Variants in XPO7 observed in about 807,000 individuals in gnomAD.
XPO7 encodes the protein exportin 7.
Under a neutral mutation model 144.3 loss-of-function variants are expected in XPO7, and 21 were observed. That is an observed-to-expected ratio of 0.15 (90% confidence interval 0.10 to 0.21). The LOEUF is 0.21. XPO7 is among the 10% of genes least tolerant of loss of function. The probability of loss-of-function intolerance (pLI) is 1.00; values close to 1 mark genes in which losing one functional copy is unlikely to be tolerated. For missense variants in XPO7, 808 were observed against 1,325.8 expected (o/e 0.61, Z 6.06); for synonymous variants, 580 against 499.6 (o/e 1.16, Z -2.15).
At position 21,974,716 on chromosome 8, in the gene XPO7, C is replaced by A; in HGVS notation, c.539C>A (p.Ser180Tyr). Residue 180 changes from serine to tyrosine, a missense_variant, in exon 6 of 28, where the codon TCT (serine) becomes TAT (tyrosine). By Grantham distance (144) the Ser-to-Tyr change is moderately radical (BLOSUM62 -2). This residue lies in a region of XPO7 where 223 missense variants were observed against 368.8 expected (regional missense o/e 0.60). Coordinates refer to ENST00000252512, the MANE Select transcript of XPO7 (RefSeq NM_015024.5). ...ACCAAGCACAGAAAAATAGCCTCTTCTTTTCGCGATTCATCATTATTTGAT... is the reference window on the plus strand; with the variant it reads ...ACCAAGCACAGAAAAATAGCCTCTTATTTTCGCGATTCATCATTATTTGAT... ...PLTKHRKIAS[S>Y]FRDSSLFDIF... is the part of the protein sequence containing the mutation. 2 of 1,593,418 alleles carry A rather than the reference C, an allele frequency of 1.3e-6. No homozygotes were observed. The highest frequency in any genetic ancestry group is 1.7e-6 in the Non-Finnish European group (2 of 1,169,352).
chr8:21,925,327 T>G (rs1394092030), intron 1 of XPO7, among the ~76,000 whole-genome samples: 2 of 152,194 alleles, frequency 1.3e-5, no homozygotes, highest in East Asian at 3.8e-4. Flanking sequence ...ACACTCCTAC[T>G]GCCATAAAAT....
chr8:21,982,381 G>A (rs1334346392), intron 10 of XPO7, among the ~76,000 whole-genome samples: 1 of 152,060 alleles, frequency 6.6e-6, no homozygotes, highest in Non-Finnish European at 1.5e-5. Flanking sequence ...CATACTAATG[G>A]TTGAGACCCA....
At chr8:21,956,522 C>T (rs1452913627) in intron 1 of XPO7, among the ~76,000 whole-genome samples, 2 of 152,194 alleles carry the variant, frequency 1.3e-5, no homozygotes, top group Non-Finnish European at 1.5e-5. Context: ...TCACCATTCT[C>T]TGTTCTGTCT....
intron 1 of XPO7, among the ~76,000 whole-genome samples, chr8:21,934,300 G>A (rs1033482657): frequency 9.2e-5 from 14 of 152,144 alleles, no homozygotes; most frequent in Non-Finnish European, 1.6e-4. Flanking sequence ...TTGGGAGGCC[G>A]AGGTGGGCGG....
intron 1 of XPO7, chr8:21,964,207 T>C (rs181350698): frequency 6.6e-6 from 1 of 152,210 alleles, no homozygotes; most frequent in Non-Finnish European, 1.5e-5. Flanking sequence ...AAAATAGACA[T>C]TCTTCTCTGG....
At chr8:21,991,762 C>G (rs1812780675) in intron 18 of XPO7, 106 bp from the exon 19 acceptor site, 8 of 712,366 alleles carry the variant, frequency 1.1e-5, no homozygotes. Flanking sequence ...TAAAGGGACC[C>G]CCTTGAGTTC....
intron 1 of XPO7, among the ~76,000 whole-genome samples, chr8:21,926,114 G>T (rs1347157170): frequency 6.6e-6 from 1 of 151,790 alleles, no homozygotes; most frequent in Non-Finnish European, 1.5e-5. Context: ...AAAAGCCCCT[G>T]GGTTTTAAAC....
chr8:21,979,828 G>C (rs770337321), intron 8 of XPO7, among the ~76,000 whole-genome samples: 1 of 152,098 alleles, frequency 6.6e-6, no homozygotes, highest in Non-Finnish European at 1.5e-5. Context: ...ATATTTTTAA[G>C]GGTGAAATAA....
chr8:21,977,985 T>G, intron 8 of XPO7, 142 bp downstream of exon 8: 1 of 726,872 alleles, frequency 1.4e-6, no homozygotes, highest in Non-Finnish European at 2.2e-6. Context: ...CTTTTGAGAT[T>G]AAGCTTGTAG....
rs148527583 is a variant in XPO7 at position 21,953,778 on chromosome 8, T to C, written c.19-13079T>C. 2.6e-5 allele frequency among the ~76,000 whole-genome samples: 4 copies of C among 152,366 alleles called. No individual in the cohort carries two copies. The East Asian group carries it at 7.7e-4, about 29-fold the overall frequency. ...GATGATACATGATGTTAACCATCTTTTCATATGCTTATTTGCCATCTGTGT... is the reference window on the plus strand; with the variant it reads ...GATGATACATGATGTTAACCATCTTCTCATATGCTTATTTGCCATCTGTGT... On this transcript the variant is annotated intron_variant, in intron 1 of 27. Transcript: ENST00000252512.
At chr8:21,990,761 T>C (rs1812745302) in intron 17 of XPO7, 50 bp from the exon 18 acceptor site, 1 of 1,561,740 alleles carries the variant, frequency 6.4e-7, no homozygotes, top group South Asian at 1.1e-5. Context: ...GCTTGCATTC[T>C]GCCTCTAACT....
At chr8:21,927,862 A>G (rs1810511773) in intron 1 of XPO7, among the ~76,000 whole-genome samples, 1 of 152,104 alleles carries the variant, frequency 6.6e-6, no homozygotes, top group Non-Finnish European at 1.5e-5. Context: ...CTTCTTATCT[A>G]TTCCTCCCAT....
intron 1 of XPO7, among the ~76,000 whole-genome samples, chr8:21,946,624 AC>A: frequency 6.7e-6 from 1 of 148,370 alleles, no homozygotes; most frequent in African/African-American, 2.5e-5. Flanking sequence ...AAGAAGTTCC[AC>A]ATATGCAAAA....
intron 19 of XPO7, among the ~76,000 whole-genome samples, chr8:21,994,005 C>G (rs1812857266): frequency 1.4e-5 from 2 of 146,518 alleles, no homozygotes; most frequent in Admixed American, 1.4e-4. Flanking sequence ...TGGGTGGACT[C>G]AAAGCTTTTT....
At chr8:21,948,034 G>C (rs1226083447) in intron 1 of XPO7, among the ~76,000 whole-genome samples, 1 of 152,212 alleles carries the variant, frequency 6.6e-6, no homozygotes, top group African/African-American at 2.4e-5. Context: ...TCTCATTGAA[G>C]AGTAATGAGA....
chr8:22,001,003 G>A (rs558332894), intron 24 of XPO7, among the ~76,000 whole-genome samples: 15 of 152,084 alleles, frequency 9.9e-5, no homozygotes, highest in Admixed American at 7.9e-4. Context: ...CCCTTGCTTT[G>A]GAAGACTTTT....
At chr8:22,001,160 G>C (rs1490303194) in intron 24 of XPO7, among the ~76,000 whole-genome samples, 1 of 152,028 alleles carries the variant, frequency 6.6e-6, no homozygotes. Flanking sequence ...ACAAAAATTA[G>C]CTCGGCGTGG....
At chr8:21,974,260 C>T (rs1000967351) in intron 5 of XPO7, among the ~76,000 whole-genome samples, 1 of 151,846 alleles carries the variant, frequency 6.6e-6, no homozygotes, top group African/African-American at 2.4e-5. Flanking sequence ...TGCTTCTGGG[C>T]TCAAATGATC....
At chr8:21,948,336 A>G (rs765309223) in intron 1 of XPO7, among the ~76,000 whole-genome samples, 1 of 152,248 alleles carries the variant, frequency 6.6e-6, no homozygotes, top group Non-Finnish European at 1.5e-5. Context: ...GTTTAGATAC[A>G]CAAAGACCAT....
Sources: gnomAD v4.1 joint callset for allele counts (sites outside exome capture counted in the v4.1 genomes callset) on GRCh38, gnomAD v4.1.1 for gene constraint, gnomAD v4.1.1 regional missense constraint, MANE v1.5 for transcripts, NCBI Gene and HGNC (gene_info 2026-07-23, HGNC 2026-07-21) for gene names.